The following ZNF624 variants were observed in gnomAD, a reference collection of about 807,000 sequenced individuals.
ZNF624 encodes the protein zinc finger protein 624.
In ZNF624, 43 loss-of-function variants were observed where a neutral mutation model predicts 74.7. The observed-to-expected ratio is 0.58, with a 90% CI of 0.45 to 0.74. The LOEUF (loss-of-function observed/expected upper bound fraction) is 0.74, where lower values mean the gene tolerates loss of function less well. Ranked by LOEUF, ZNF624 falls within the 30% of genes least tolerant of loss-of-function variation. The pLI is 0.00. For synonymous variants in ZNF624, 331 were observed against 341.3 expected (o/e 0.97, Z 0.33); for missense variants, 820 against 1,030.0 (o/e 0.80, Z 2.79).
downstream of ZNF624, among the ~76,000 whole-genome samples, chr17:16,615,886 C>T (rs1908781070): frequency 1.4e-5 from 2 of 145,880 alleles, no homozygotes; most frequent in African/African-American, 5.1e-5. Context: ...AAAGAATGAA[C>T]AATTATAAAT....
Position 16,649,727 on chromosome 17 carries a change from G to A in ZNF624, c.18C>T (p.Ser6=). 6.2e-7 allele frequency: 1 copy of A among 1,613,828 alleles called. No homozygotes were observed. The highest frequency in any genetic ancestry group is 8.5e-7 in the Non-Finnish European group (1 of 1,179,806). MSLQD[S]TLSREGKPEG... ...CTGGTTTCCCCTCTCTGGAAAGAGT[G>A]GAGTCTTGCAAAGACATACCTAAGG... The change falls in exon 2 of 6, where the codon TCC becomes TCT. Residue 6 remains serine, a synonymous_variant. Coordinates refer to ENST00000311331, the MANE Select transcript of ZNF624 (RefSeq NM_020787.4).
intron 3 of ZNF624, among the ~76,000 whole-genome samples, chr17:16,641,499 G>T (rs945739406): frequency 1.3e-5 from 2 of 152,130 alleles, no homozygotes; most frequent in Admixed American, 6.5e-5. Context: ...GGCCAGGCTA[G>T]TCTCGAACTC....
In ZNF624 at chr17:16,643,866, G is replaced by C. The variant is rs1338582064; in HGVS notation, c.153+3463C>G. Among the ~76,000 whole-genome samples, 3 of 152,306 alleles carry C rather than the reference G, an allele frequency of 2.0e-5. No individual in the cohort carries two copies. In the Middle Eastern group the frequency reaches 0.01, roughly 518 times the overall value. On this transcript the variant is annotated intron_variant, in intron 3 of 5. Coordinates refer to ENST00000311331, the MANE Select transcript of ZNF624 (RefSeq NM_020787.4). ...AACATAAAACTGCTGCGACAGTTTG[G>C]ATGCCTTCCCCCAAAACCTCATGTT...
At chr17:16,639,705 A>G (rs1401485402) in intron 3 of ZNF624, among the ~76,000 whole-genome samples, 1 of 152,216 alleles carries the variant, frequency 6.6e-6, no homozygotes, top group African/African-American at 2.4e-5. Context: ...ATGTTAACCA[A>G]GCAGATATTT....
chr17:16,648,303 T>C (rs1028293892), intron 2 of ZNF624, among the ~76,000 whole-genome samples: 28 of 152,152 alleles, frequency 1.8e-4, no homozygotes, highest in African/African-American at 6.3e-4. Context: ...GTTGTAGTTA[T>C]CCATTTCAGA....
intron 3 of ZNF624, among the ~76,000 whole-genome samples, chr17:16,645,947 A>C (rs1312567255): frequency 6.8e-6 from 1 of 146,312 alleles, no homozygotes; most frequent in Non-Finnish European, 1.5e-5. Context: ...CTCCATCTCA[A>C]AAAAAAAAAA....
rs1386931729 is a variant in ZNF624 at position 16,622,762 on chromosome 17, G to A, written c.2124C>T (p.Asn708=). 6.8e-6 allele frequency: 11 copies of A among 1,613,582 alleles called. No individual in the cohort carries two copies. Among genetic ancestry groups the A allele is most frequent in the Non-Finnish European group, 9.3e-6 (11 of 1,179,944 alleles). The change falls in exon 6 of 6, where the codon AAC becomes AAT. Residue 708 remains asparagine, a synonymous_variant. Coordinates refer to ENST00000311331, the MANE Select transcript of ZNF624 (RefSeq NM_020787.4). The part of the protein sequence containing the change: ...CNECGKVFTS[N]SGFNTHQRTH... ...TTCTTTGATGTGTATTAAAGCCTGAGTTACTTGTGAAAACCTTTCCACATT... is the reference window on the plus strand; with the variant it reads ...TTCTTTGATGTGTATTAAAGCCTGAATTACTTGTGAAAACCTTTCCACATT...
At chr17:16,616,856 T>G, downstream of ZNF624, 1 of 1,287,158 alleles carries the variant, frequency 7.8e-7, no homozygotes, top group South Asian at 1.4e-5. Context: ...AGTTAATCCC[T>G]GGAACTCGAC....
In ZNF624 at chr17:16,624,107, G is replaced by C; in HGVS notation, c.779C>G (p.Thr260Ser). 6.2e-7 allele frequency: 1 copy of C among 1,614,156 alleles called. No individual in the cohort carries two copies. Among genetic ancestry groups the C allele is most frequent in the Non-Finnish European group, 8.5e-7 (1 of 1,180,024 alleles). ...EMKGSKAIRQTSELTLGKKSN... is the reference protein window; with the variant it reads ...EMKGSKAIRQSSELTLGKKSN... ...TTTTTTCCCCAAAGTTAGTTCTGAA[G>C]TCTGCCTTATGGCTTTGCTGCCTTT... Residue 260 changes from threonine (T) to serine (S), a missense_variant, in exon 6 of 6, where the codon ACT (threonine) becomes AGT (serine). Thr to Ser is a moderately conservative substitution (Grantham distance 58, BLOSUM62 1). Coordinates refer to ENST00000311331, the MANE Select transcript of ZNF624 (RefSeq NM_020787.4).
At chr17:16,625,527 G>C (rs1909050300) in intron 5 of ZNF624, among the ~76,000 whole-genome samples, 2 of 152,062 alleles carry the variant, frequency 1.3e-5, no homozygotes, top group Non-Finnish European at 2.9e-5. Flanking sequence ...TTTGTTGTGA[G>C]GGCTTTCTCA....
intron 3 of ZNF624, among the ~76,000 whole-genome samples, chr17:16,643,713 A>G (rs930405907): frequency 2.6e-5 from 4 of 152,238 alleles, no homozygotes; most frequent in African/African-American, 9.6e-5. Context: ...TGCCAGAAGG[A>G]CAATCTTTTT....
At chr17:16,639,563 C>G (rs761052740) in intron 3 of ZNF624, among the ~76,000 whole-genome samples, 4 of 152,068 alleles carry the variant, frequency 2.6e-5, no homozygotes, top group Non-Finnish European at 4.4e-5. Flanking sequence ...CAAGAAATGA[C>G]TAAGGCAGAG....
chr17:16,614,766 A>C, the ZNF624 span, among the ~76,000 whole-genome samples: 19 of 152,368 alleles, frequency 1.2e-4, no homozygotes, highest in South Asian at 3.3e-3. Flanking sequence ...ACAGAAGACA[A>C]TATGGACATA....
intron 3 of ZNF624, among the ~76,000 whole-genome samples, chr17:16,642,143 A>G (rs1909481745): frequency 1.3e-5 from 2 of 152,160 alleles, no homozygotes; most frequent in South Asian, 4.1e-4. Context: ...TTTTTCCTGA[A>G]ATGGAAAAGC....
In ZNF624 at chr17:16,622,490, TG is replaced by T; in HGVS notation, c.2395del (p.Gln799ArgfsTer29). ...GGGCCTCTCCCCAGTATGAATTCTCTGATGTAGGGTTAGCTGTGATAGAGTA... is the reference window on the plus strand; with the variant it reads ...GGGCCTCTCCCCAGTATGAATTCTCTATGTAGGGTTAGCTGTGATAGAGTA... ...CITLSQLTLH[Q>X]RIHTGERPYK... On this transcript the variant is annotated frameshift_variant, in exon 6 of 6. Transcript: ENST00000311331. LOFTEE classifies it high-confidence loss of function. 1 of 1,613,922 alleles carries T rather than the reference TG, an allele frequency of 6.2e-7. No individual in the cohort carries two copies. Among genetic ancestry groups the T allele is most frequent in the East Asian group, 2.2e-5 (1 of 44,870 alleles).
At chr17:16,616,753 C>T, downstream of ZNF624, 1 of 717,830 alleles carries the variant, frequency 1.4e-6, no homozygotes, top group Non-Finnish European at 2.1e-6. Context: ...CAAGAGATTC[C>T]TCTTGCAGAA....
intron 5 of ZNF624, among the ~76,000 whole-genome samples, chr17:16,624,965 A>T (rs1301653657): frequency 4.3e-5 from 6 of 140,394 alleles, no homozygotes; most frequent in Admixed American, 1.5e-4. Flanking sequence ...TGATTCTAGG[A>T]GGTGGAGGTT....
At chr17:16,616,748 G>T, downstream of ZNF624, 2 of 690,484 alleles carry the variant, frequency 2.9e-6, no homozygotes, top group African/African-American at 1.8e-5. Context: ...GTTTTCAAGA[G>T]ATTCCTCTTG....
At chr17:16,615,824 G>T (rs187451802), downstream of ZNF624, among the ~76,000 whole-genome samples, 53 of 151,916 alleles carry the variant, frequency 3.5e-4, no homozygotes, top group Admixed American at 2.3e-3. Flanking sequence ...TATAAAGAAT[G>T]ATGTAAAACT....
Sources: allele counts gnomAD v4.1 joint callset (sites outside exome capture counted in the v4.1 genomes callset), GRCh38; gene constraint gnomAD v4.1.1; transcripts MANE v1.5; gene names NCBI Gene and HGNC (gene_info 2026-07-23, HGNC 2026-07-21).